ARHGAP10: variants seen among roughly 807,000 people sequenced by gnomAD.
ARHGAP10 encodes rho GTPase-activating protein 10.
A neutral mutation model predicts 108.6 loss-of-function variants in ARHGAP10; 87 were observed. That is an observed-to-expected ratio of 0.80 (90% CI 0.67 to 0.96). ARHGAP10 has a LOEUF of 0.96. Among genes scored for constraint, ARHGAP10 ranks in the 40% least tolerant of loss-of-function variants. The probability of loss-of-function intolerance (pLI) is 0.00; values close to 1 mark genes in which losing one functional copy is unlikely to be tolerated. For missense variants in ARHGAP10, 939 were observed against 954.5 expected, an observed-to-expected ratio of 0.98 and a Z score of 0.21; for synonymous variants, 347 against 341.1, an observed-to-expected ratio of 1.02 and a Z score of -0.19.
intron 1 of ARHGAP10, among the ~76,000 whole-genome samples, chr4:147,800,945 A>G (rs1383165423): frequency 6.6e-6 from 1 of 152,200 alleles, no homozygotes. Flanking sequence ...AGCTGGGACT[A>G]CAGGTGCCTG....
intron 1 of ARHGAP10, among the ~76,000 whole-genome samples, chr4:147,811,894 T>TG (rs1732035580): frequency 6.6e-6 from 1 of 152,166 alleles, no homozygotes; most frequent in Non-Finnish European, 1.5e-5. Flanking sequence ...GAGCAGAAAG[T>TG]GGGCACTTTT....
chr4:147,818,217 A>C (rs904124839), intron 1 of ARHGAP10, among the ~76,000 whole-genome samples: 4 of 151,440 alleles, frequency 2.6e-5, no homozygotes, highest in African/African-American at 9.7e-5. Flanking sequence ...GTGTATTAAG[A>C]ATAATTGAAA....
At chr4:147,995,662 G>A (rs997709146) in intron 18 of ARHGAP10, among the ~76,000 whole-genome samples, 2 of 152,168 alleles carry the variant, frequency 1.3e-5, no homozygotes, top group African/African-American at 4.8e-5. Flanking sequence ...GTATCAGTCA[G>A]AGACAAAGGC....
chr4:147,778,781 C>G (rs1730412642), intron 1 of ARHGAP10, among the ~76,000 whole-genome samples: 1 of 152,110 alleles, frequency 6.6e-6, no homozygotes, highest in Non-Finnish European at 1.5e-5. Flanking sequence ...TCCTCTTGCT[C>G]CATTTCATTT....
At chr4:147,777,245 G>A (rs905329782) in intron 1 of ARHGAP10, among the ~76,000 whole-genome samples, 7 of 151,736 alleles carry the variant, frequency 4.6e-5, no homozygotes, top group African/African-American at 1.7e-4. Flanking sequence ...AGAATCGTCT[G>A]GGTAGGGTGT....
chr4:147,841,873 C>T lies in ARHGAP10; in HGVS notation c.313-5278C>T, dbSNP rs113188123. 3.0e-3 allele frequency among the ~76,000 whole-genome samples: 452 copies of T among 152,152 alleles called. 1 individual carries two copies. The highest frequency in any genetic ancestry group is 0.01 in the African/African-American group (420 of 41,508). ...TGTTATTTGCCACAACTACTACTATCCTTGTTTTGGAAATTTGCTTACCGA... is the reference window on the plus strand; with the variant it reads ...TGTTATTTGCCACAACTACTACTATTCTTGTTTTGGAAATTTGCTTACCGA... On this transcript the variant is annotated intron_variant, in intron 3 of 22. Transcript: ENST00000336498.
At chr4:147,975,104 A>G (rs2149622043) in intron 18 of ARHGAP10, among the ~76,000 whole-genome samples, 2 of 152,326 alleles carry the variant, frequency 1.3e-5, no homozygotes, top group South Asian at 4.1e-4. Context: ...AGGGACAATT[A>G]CATTTCATGT....
chr4:148,024,541 A>G (rs1373352092), intron 19 of ARHGAP10, among the ~76,000 whole-genome samples: 1 of 152,222 alleles, frequency 6.6e-6, no homozygotes, highest in Admixed American at 6.5e-5. Flanking sequence ...GCCTCCTGTA[A>G]TGACACAGGG....
At chr4:147,822,634 C>G in intron 1 of ARHGAP10, 93 bp from the exon 2 acceptor site, 2 of 1,271,830 alleles carry the variant, frequency 1.6e-6, no homozygotes, top group South Asian at 2.6e-5. Flanking sequence ...CGGAGGAGAG[C>G]TCTACAGCTT....
At chr4:148,064,377 C>T (rs774100857) in intron 21 of ARHGAP10, 39 bp from the exon 22 acceptor site, 5 of 1,591,470 alleles carry the variant, frequency 3.1e-6, no homozygotes, top group Non-Finnish European at 4.3e-6. Flanking sequence ...CTGTTTTCCA[C>T]ATTTTCATTG....
intron 16 of ARHGAP10, among the ~76,000 whole-genome samples, chr4:147,964,162 C>G (rs912368858): frequency 6.6e-6 from 1 of 152,148 alleles, no homozygotes; most frequent in Non-Finnish European, 1.5e-5. Context: ...AGCCCCGTGA[C>G]CCCCCTCCCT....
intron 1 of ARHGAP10, among the ~76,000 whole-genome samples, chr4:147,821,218 G>A (rs1266280718): frequency 1.3e-5 from 2 of 151,986 alleles, no homozygotes; most frequent in East Asian, 3.9e-4. Flanking sequence ...TTGAGGTGGA[G>A]GCTCTGAATT....
rs534651376 is a variant in ARHGAP10, at chr4:148,026,372, C to T, written c.1867+2959C>T. 7.1e-4 allele frequency among the ~76,000 whole-genome samples: 108 copies of T among 152,302 alleles called. 1 individual carries two copies. The highest frequency in any genetic ancestry group is 2.5e-3 in the African/African-American group (105 of 41,576). ...AGCATGAAGCCGGAGGGGAGATCCTCTGCTGGGAGACATGTTTTCTGTTAT... is the reference window on the plus strand; with the variant it reads ...AGCATGAAGCCGGAGGGGAGATCCTTTGCTGGGAGACATGTTTTCTGTTAT... On this transcript the variant is annotated intron_variant, in intron 19 of 22. Transcript: ENST00000336498.
intron 1 of ARHGAP10, among the ~76,000 whole-genome samples, chr4:147,738,908 C>T (rs764848977): frequency 6.6e-6 from 1 of 152,074 alleles, no homozygotes. Flanking sequence ...GGTGGCTGGG[C>T]TCAGTGGCTC....
chr4:148,028,157 T>C (rs1727964843), intron 19 of ARHGAP10, among the ~76,000 whole-genome samples: 1 of 152,106 alleles, frequency 6.6e-6, no homozygotes. Context: ...TGAAATGAGC[T>C]GTTTCGGCAG....
chr4:147,897,227 A>G (rs1736029860), intron 10 of ARHGAP10, among the ~76,000 whole-genome samples: 1 of 151,456 alleles, frequency 6.6e-6, no homozygotes, highest in Non-Finnish European at 1.5e-5. Context: ...TTGCTTTTTA[A>G]GCAGAGTTTT....
intron 19 of ARHGAP10, among the ~76,000 whole-genome samples, chr4:148,042,545 A>G (rs1017500872): frequency 2.6e-5 from 4 of 152,156 alleles, no homozygotes; most frequent in Admixed American, 2.0e-4. Context: ...TGAAACTGGC[A>G]ATAATTTCTT....
At chr4:147,787,512 G>C (rs1208156305) in intron 1 of ARHGAP10, among the ~76,000 whole-genome samples, 4 of 152,148 alleles carry the variant, frequency 2.6e-5, no homozygotes, top group African/African-American at 9.7e-5. Context: ...GTGAGGATCA[G>C]CTAAGGAATC....
chr4:147,888,733 C>T (rs567750788), intron 10 of ARHGAP10, among the ~76,000 whole-genome samples: 59 of 152,248 alleles, frequency 3.9e-4, no homozygotes, highest in African/African-American at 1.4e-3. Flanking sequence ...CCAGTAGATA[C>T]TGTTTGGGGT....
Sources: gnomAD v4.1 joint callset for allele counts (sites outside exome capture counted in the v4.1 genomes callset) on GRCh38, gnomAD v4.1.1 for gene constraint, MANE v1.5 for transcripts, NCBI Gene and HGNC (gene_info 2026-07-23, HGNC 2026-07-21) for gene names.